NEK10: variants seen among roughly 807,000 people sequenced by gnomAD.
The protein encoded by NEK10 is serine/threonine-protein kinase Nek10.
NEK10 carries 122 observed loss-of-function variants against 159.8 expected under a neutral mutation model. The ratio of observed to expected loss-of-function variants is 0.76; its 90% CI spans 0.66 to 0.89. The LOEUF is 0.89. Ranked by LOEUF, NEK10 falls within the 40% of genes least tolerant of loss-of-function variation. The pLI is 0.00. For synonymous variants in NEK10, 466 were observed against 457.1 expected, an observed-to-expected ratio of 1.02 and a Z score of -0.25; for missense variants, 1,342 against 1,323.1, an observed-to-expected ratio of 1.01 and a Z score of -0.22.
intron 23 of NEK10, among the ~76,000 whole-genome samples, chr3:27,235,045 G>T (rs1367531669): frequency 2.0e-5 from 3 of 152,024 alleles, no homozygotes; most frequent in African/African-American, 7.2e-5. Context: ...ATGGTGCTGG[G>T]ATCACTGGCT....
chr3:27,284,983 T>C (rs2149462798), intron 20 of NEK10, 22 bp from the exon 21 acceptor site: 2 of 1,564,704 alleles, frequency 1.3e-6, no homozygotes, highest in African/African-American at 1.4e-5. Context: ...TCACAAAAGG[T>C]CACAGAAATT....
intron 29 of NEK10, among the ~76,000 whole-genome samples, chr3:27,166,892 C>T (rs151028818): frequency 4.6e-5 from 7 of 151,862 alleles, no homozygotes; most frequent in South Asian, 2.1e-4. Context: ...CCCAGCAGGC[C>T]GAGGTTGCAG....
intron 31 of NEK10, among the ~76,000 whole-genome samples, chr3:27,138,616 G>C (rs962821343): frequency 6.6e-6 from 1 of 152,166 alleles, no homozygotes; most frequent in Admixed American, 6.5e-5. Context: ...ACTATGGTAT[G>C]GTTTCTGACT....
intron 23 of NEK10, among the ~76,000 whole-genome samples, chr3:27,241,194 G>A (rs1487924814): frequency 1.3e-5 from 2 of 152,090 alleles, no homozygotes; most frequent in Admixed American, 1.3e-4. Context: ...AGAGAGCATG[G>A]GGGGAAAAAT....
chr3:27,358,147 A>G (rs2048445660), intron 1 of NEK10, among the ~76,000 whole-genome samples: 1 of 152,202 alleles, frequency 6.6e-6, no homozygotes, highest in Non-Finnish European at 1.5e-5. Flanking sequence ...TTGTACCTAT[A>G]TGGGTTTTTC....
intron 30 of NEK10, among the ~76,000 whole-genome samples, chr3:27,160,183 A>G (rs556412394): frequency 4.6e-5 from 7 of 152,346 alleles, no homozygotes; most frequent in South Asian, 2.1e-4. Context: ...TGCTTAAGGT[A>G]TAACTCGCTA....
intron 15 of NEK10, among the ~76,000 whole-genome samples, chr3:27,295,304 T>C (rs562437975): frequency 2.0e-5 from 3 of 152,128 alleles, no homozygotes; most frequent in Admixed American, 1.3e-4. Context: ...CAAATAATTT[T>C]CCCCCTGTTG....
chr3:27,204,301 G>GTTTTTTTTTTTTTTTTTTTTTTTTT (rs567092116), intron 23 of NEK10, among the ~76,000 whole-genome samples: 2 of 66,378 alleles, frequency 3.0e-5, no homozygotes, highest in Non-Finnish European at 5.5e-5. Flanking sequence ...TTTTGTTGTT[G>GTTTTTTTTTTTTTTTTTTTTTTTTT]TTTTTTTTTT....
intron 22 of NEK10, among the ~76,000 whole-genome samples, chr3:27,282,278 A>C (rs1354353149): frequency 1.3e-5 from 2 of 152,078 alleles, no homozygotes; most frequent in Non-Finnish European, 2.9e-5. Flanking sequence ...GTTTTTCTCT[A>C]TAAGCTTTTT....
intron 5 of NEK10, among the ~76,000 whole-genome samples, chr3:27,342,849 T>C (rs2047294809): frequency 6.6e-6 from 1 of 152,148 alleles, no homozygotes; most frequent in African/African-American, 2.4e-5. Flanking sequence ...AATACCACCT[T>C]ATGCATAATG....
chr3:27,287,136 TAA>T lies in NEK10; in HGVS notation c.1789+560_1789+561del, dbSNP rs36078735. On this transcript the variant is annotated intron_variant, in intron 20 of 35. Transcript: ENST00000691995. ...TATTATTTCTGTCATAGGCCCTACT[TAA>T]AAAAAAAAAAAAAAAAAGAGTGGCT... 3.1e-3 allele frequency among the ~76,000 whole-genome samples: 422 copies of T among 134,444 alleles called. 1 individual carries two copies. The highest frequency in any genetic ancestry group is 7.5e-3 in the African/African-American group (268 of 35,966). 88.2% of individuals were successfully genotyped at this position (134,444 alleles called of 152,430 possible).
chr3:27,221,502 G>C (rs773421537), intron 23 of NEK10, among the ~76,000 whole-genome samples: 1 of 152,188 alleles, frequency 6.6e-6, no homozygotes, highest in African/African-American at 2.4e-5. Context: ...ACATATTCCT[G>C]GTAGAAATGG....
intron 11 of NEK10, among the ~76,000 whole-genome samples, chr3:27,306,140 A>G (rs899345237): frequency 1.3e-5 from 2 of 152,134 alleles, no homozygotes; most frequent in Admixed American, 6.5e-5. Context: ...GGGAGTCATC[A>G]AGACACATAC....
At chr3:27,189,786 A>G (rs1948954981) in intron 26 of NEK10, among the ~76,000 whole-genome samples, 1 of 152,144 alleles carries the variant, frequency 6.6e-6, no homozygotes, top group Non-Finnish European at 1.5e-5. Context: ...ATGAAAATGT[A>G]TCAGTAGACT....
chr3:27,281,669 C>T (rs928362480), intron 22 of NEK10, among the ~76,000 whole-genome samples: 1 of 152,104 alleles, frequency 6.6e-6, no homozygotes, highest in African/African-American at 2.4e-5. Flanking sequence ...TACCAGAAGA[C>T]TTACTTCAGC....
intron 22 of NEK10, chr3:27,278,548 G>C (rs1326985606): frequency 7.9e-6 from 2 of 252,860 alleles, no homozygotes; most frequent in Non-Finnish European, 1.2e-5. Flanking sequence ...CATCAGAGCA[G>C]GTGCCAAATA....
At chr3:27,302,767 T>A (rs1459284097) in intron 12 of NEK10, among the ~76,000 whole-genome samples, 1 of 152,192 alleles carries the variant, frequency 6.6e-6, no homozygotes, top group Non-Finnish European at 1.5e-5. Context: ...GTCATCTGGG[T>A]CCACTAGTGT....
intron 1 of NEK10, among the ~76,000 whole-genome samples, chr3:27,363,534 A>G (rs1033376467): frequency 6.6e-6 from 1 of 152,224 alleles, no homozygotes; most frequent in Non-Finnish European, 1.5e-5. Flanking sequence ...TATGGAGAGT[A>G]GAGACAACGA....
chr3:27,209,795 C>A (rs1950844938), intron 23 of NEK10, among the ~76,000 whole-genome samples: 1 of 152,096 alleles, frequency 6.6e-6, no homozygotes, highest in Non-Finnish European at 1.5e-5. Context: ...AATATCTCAC[C>A]CCCAAAAAAC....
Sources: gnomAD v4.1 joint callset for allele counts (sites outside exome capture counted in the v4.1 genomes callset) on GRCh38, gnomAD v4.1.1 for gene constraint, MANE v1.5 for transcripts, NCBI Gene and HGNC (gene_info 2026-07-23, HGNC 2026-07-21) for gene names.